Variants in PARP14 observed in about 807,000 individuals in gnomAD.
PARP14 encodes protein mono-ADP-ribosyltransferase PARP14.
In PARP14, 59 loss-of-function variants were observed where a neutral mutation model predicts 154.2. The ratio of observed to expected loss-of-function variants is 0.38; its 90% CI spans 0.31 to 0.48. PARP14 has a LOEUF of 0.48. PARP14 is among the 20% of genes least tolerant of loss of function. The probability of loss-of-function intolerance (pLI) is 0.98; values close to 1 mark genes in which losing one functional copy is unlikely to be tolerated. For missense variants in PARP14, 1,734 were observed against 2,131.6 expected, an observed-to-expected ratio of 0.81 and a Z score of 3.67; for synonymous variants, 720 against 780.5, an observed-to-expected ratio of 0.92 and a Z score of 1.29.
chr3:122,725,274 G>A (rs893613514), intron 15 of PARP14, among the ~76,000 whole-genome samples: 2 of 151,558 alleles, frequency 1.3e-5, no homozygotes, highest in Non-Finnish European at 2.9e-5. Context: ...GCCGGGCAGA[G>A]GCACTCCTCA....
chr3:122,702,264 T>C (rs910143004), intron 6 of PARP14, among the ~76,000 whole-genome samples: 36 of 152,186 alleles, frequency 2.4e-4, no homozygotes, highest in African/African-American at 8.7e-4. Context: ...TCATCCAGGC[T>C]GGAGTGCAGT....
At chr3:122,715,610 CTAT>C (rs1219985504) in intron 12 of PARP14, among the ~76,000 whole-genome samples, 1 of 125,694 alleles carries the variant, frequency 8.0e-6, no homozygotes, top group Non-Finnish European at 1.9e-5. Context: ...ATCTATCTAT[CTAT>C]CTATCTATCT....
Position 122,714,390 on chromosome 3 carries a change from A to C in PARP14, c.3961A>C (p.Lys1321Gln). 1 of 1,583,134 alleles carries C rather than the reference A, an allele frequency of 6.3e-7. No homozygotes were observed. The highest frequency in any genetic ancestry group is 8.5e-7 in the Non-Finnish European group (1 of 1,170,586). The change falls in exon 12 of 17, where the codon AAA (lysine) becomes CAA (glutamine). Residue 1321 changes from lysine to glutamine, a missense_variant. Physicochemically the swap from Lys to Gln is moderately conservative, Grantham distance 53. Coordinates refer to ENST00000474629, the MANE Select transcript of PARP14 (RefSeq NM_017554.3). ...VSSVLQECEK[K>Q]NYSSICLPAI... is the part of the protein sequence containing the mutation. ...CTCTGTTTTGCAGGAGTGTGAAAAA[A>C]AAAATTACTCATCCATTTGCCTCCC...
chr3:122,686,164 C>T (rs555409353), intron 2 of PARP14, among the ~76,000 whole-genome samples: 2 of 152,140 alleles, frequency 1.3e-5, no homozygotes, highest in Non-Finnish European at 2.9e-5. Context: ...TTATTTATTT[C>T]TTTTTTAGAG....
chr3:122,725,838 T>C lies in PARP14; in HGVS notation c.4942-1974T>C, dbSNP rs193270346. On this transcript the variant is annotated intron_variant, in intron 15 of 16. Coordinates refer to ENST00000474629, the MANE Select transcript of PARP14 (RefSeq NM_017554.3). ...CATATTAATCTCTGTTTTCTATTTA[T>C]CATATCTATTCTTTGTTCTTTTTTA... Among the ~76,000 whole-genome samples the C allele has an allele frequency of 9.2e-5, 14 of 152,302 alleles. No individual in the cohort carries two copies. The East Asian group carries it at 1.5e-3, about 17-fold the overall frequency.
intron 14 of PARP14, among the ~76,000 whole-genome samples, chr3:122,719,671 G>A (rs74444851): frequency 0.033 from 5,056 of 152,280 alleles, 114 homozygotes; most frequent in Middle Eastern, 0.088. Context: ...GAGCAACCCT[G>A]GGGAAATGAT....
chr3:122,722,593 A>G (rs1415533183), intron 15 of PARP14: 1 of 152,168 alleles, frequency 6.6e-6, no homozygotes, highest in Non-Finnish European at 1.5e-5. Context: ...AACCAGATAA[A>G]AGCAGAGGTG....
chr3:122,703,720 A>G (rs750518466), intron 6 of PARP14, 22 bp from the exon 7 acceptor site: 1 of 1,475,240 alleles, frequency 6.8e-7, no homozygotes, highest in Non-Finnish European at 9.2e-7. Context: ...ATTTGAAACA[A>G]ATTTTTGGTT....
chr3:122,695,714 G>T lies in PARP14; in HGVS notation c.835+52G>T, dbSNP rs1331119157. 7 of 781,900 alleles carry T rather than the reference G, an allele frequency of 9.0e-6. No homozygotes were observed. The East Asian group carries it at 1.8e-4, about 21-fold the overall frequency. 48.4% of individuals were successfully genotyped at this position (781,900 alleles called of 1,614,324 possible). A position where few individuals can be genotyped will look rare whatever the true frequency, so the allele number is the denominator to read the frequency against. On this transcript the variant is annotated intron_variant, in intron 5 of 16. Transcript: ENST00000474629. ...GGCATAATCTAGGCCATTATTAGCA[G>T]AGCTTAATAGTTATAAATTTAGTTC...
intron 3 of PARP14, among the ~76,000 whole-genome samples, chr3:122,691,145 TTTTATGTGGCC>T (rs1938527448): frequency 6.6e-6 from 1 of 152,186 alleles, no homozygotes; most frequent in South Asian, 2.1e-4. Context: ...ACACAGAGCA[TTTTATGTGGCC>T]ACTGCGAACA....
At chr3:122,696,088 C>A (rs915673291) in intron 5 of PARP14, among the ~76,000 whole-genome samples, 1 of 152,134 alleles carries the variant, frequency 6.6e-6, no homozygotes, top group Non-Finnish European at 1.5e-5. Flanking sequence ...TATCATCATT[C>A]AAAAATGGAC....
At position 122,681,939 on chromosome 3, in the gene PARP14, A is replaced by T. The variant is rs1938221781; in HGVS notation, c.187+869A>T. Among the ~76,000 whole-genome samples the T allele has an allele frequency of 6.6e-6, 1 of 152,100 alleles. No individual in the cohort carries two copies. ...ATGATGACCTATCGGGATCTAGTCA[A>T]CCCCTAATTCCGCTTTCATGTCGCT... On this transcript the variant is annotated intron_variant, in intron 1 of 16. Coordinates refer to ENST00000474629, the MANE Select transcript of PARP14 (RefSeq NM_017554.3). This position sits in a 1 kb window ranked among gnomAD's most constrained non-coding sequence, Gnocchi z 5.5.
At chr3:122,698,327 C>T (rs566465068) in intron 5 of PARP14, among the ~76,000 whole-genome samples, 128 of 152,360 alleles carry the variant, frequency 8.4e-4, no homozygotes, top group Middle Eastern at 3.4e-3. Context: ...CATTCTGATT[C>T]CCTTTCTGCA....
chr3:122,726,931 T>C (rs3773721), intron 15 of PARP14, among the ~76,000 whole-genome samples: 12,876 of 125,588 alleles, frequency 0.1, 745 homozygotes, highest in East Asian at 0.23. Flanking sequence ...AAAATATATG[T>C]TAATGCCGAG....
At chr3:122,724,026 G>T (rs879544826) in intron 15 of PARP14, among the ~76,000 whole-genome samples, 7 of 152,090 alleles carry the variant, frequency 4.6e-5, no homozygotes, top group Non-Finnish European at 1.0e-4. Context: ...CATTTGGCTG[G>T]CAGGAAGTTG....
chr3:122,715,403 C>A (rs1362448183), intron 12 of PARP14, among the ~76,000 whole-genome samples: 5 of 152,182 alleles, frequency 3.3e-5, no homozygotes, highest in Non-Finnish European at 7.3e-5. Flanking sequence ...TCTGGGCCTT[C>A]TTCTAACCCT....
intron 4 of PARP14, among the ~76,000 whole-genome samples, chr3:122,693,889 T>C (rs571674196): frequency 6.6e-6 from 1 of 151,876 alleles, no homozygotes; most frequent in East Asian, 1.9e-4. Context: ...GCTTAACAAC[T>C]TAACGTAGTA....
chr3:122,710,076 T>G (rs1377634834), intron 9 of PARP14, among the ~76,000 whole-genome samples: 1 of 152,088 alleles, frequency 6.6e-6, no homozygotes, highest in Admixed American at 6.6e-5. Context: ...AGGTCCCATT[T>G]TTAATTTTTG....
At chr3:122,687,533 A>G (rs1296443075) in intron 3 of PARP14, among the ~76,000 whole-genome samples, 3 of 152,206 alleles carry the variant, frequency 2.0e-5, no homozygotes. Flanking sequence ...TCTGGAGCCA[A>G]AACAGGAAGT....
Sources: gnomAD v4.1 joint callset for allele counts (sites outside exome capture counted in the v4.1 genomes callset) on GRCh38, gnomAD v4.1.1 for gene constraint, Gnocchi (gnomAD v3.1) non-coding constraint, MANE v1.5 for transcripts, NCBI Gene and HGNC (gene_info 2026-07-23, HGNC 2026-07-21) for gene names.